Variants in PTPRG observed in about 807,000 individuals in gnomAD.
PTPRG encodes protein tyrosine phosphatase receptor type G, also known as receptor-type tyrosine-protein phosphatase gamma.
PTPRG carries 102 observed loss-of-function variants against 165.3 expected under a neutral mutation model. The observed-to-expected ratio is 0.62, with a 90% confidence interval of 0.53 to 0.73. The LOEUF is 0.73. PTPRG is among the 30% of genes least tolerant of loss of function. The pLI is 0.00. For missense variants in PTPRG, 1,866 were observed against 1,861.4 expected (o/e 1.00, Z -0.05); for synonymous variants, 675 against 669.5 (o/e 1.01, Z -0.13).
At chr3:62,269,614 C>T (rs952765006) in intron 20 of PTPRG, among the ~76,000 whole-genome samples, 1 of 152,112 alleles carries the variant, frequency 6.6e-6, no homozygotes, top group African/African-American at 2.4e-5. Context: ...TAATATATAT[C>T]CCCCCAGCAT....
intron 2 of PTPRG, among the ~76,000 whole-genome samples, chr3:61,891,445 C>G (rs897218106): frequency 3.9e-4 from 60 of 152,198 alleles, no homozygotes; most frequent in African/African-American, 1.3e-3. Flanking sequence ...TGGAGATTTT[C>G]TATGTGTAAA....
At chr3:62,075,991 G>C (rs906907801) in intron 4 of PTPRG, among the ~76,000 whole-genome samples, 4 of 152,128 alleles carry the variant, frequency 2.6e-5, no homozygotes, top group Non-Finnish European at 5.9e-5. Flanking sequence ...TGATGATGAT[G>C]ATGACCAGGC....
At chr3:62,132,512 A>C in intron 5 of PTPRG, 90 bp from the exon 6 acceptor site, 2 of 1,036,098 alleles carry the variant, frequency 1.9e-6, no homozygotes, top group Non-Finnish European at 3.1e-6. Context: ...ATAACATTCT[A>C]TTCTCCCCCT....
At chr3:61,726,456 T>C (rs1226464246) in intron 1 of PTPRG, among the ~76,000 whole-genome samples, 1 of 152,176 alleles carries the variant, frequency 6.6e-6, no homozygotes, top group Non-Finnish European at 1.5e-5. Flanking sequence ...TGATAATTTG[T>C]ATAATGGAAA....
At chr3:61,974,560 AAAT>A (rs79647353) in intron 2 of PTPRG, among the ~76,000 whole-genome samples, 4 of 122,170 alleles carry the variant, frequency 3.3e-5, no homozygotes, top group South Asian at 4.8e-4. Flanking sequence ...CTTAAAAAAA[AAAT>A]TTTTTTTTAA....
chr3:62,239,349 CTTTTTTCTTTCTTTTTTTTT>C (rs2106941415), intron 14 of PTPRG, among the ~76,000 whole-genome samples: 1 of 144,104 alleles, frequency 6.9e-6, no homozygotes, highest in South Asian at 2.2e-4. Context: ...TTCTTTCTTT[CTTTTTTCTTTCTTTTTTTTT>C]TTTTTTTTTT....
At chr3:62,074,895 A>C (rs1383100587) in intron 4 of PTPRG, among the ~76,000 whole-genome samples, 2 of 152,172 alleles carry the variant, frequency 1.3e-5, no homozygotes, top group Admixed American at 1.3e-4. Flanking sequence ...GCCTCTGTCC[A>C]AACTTGGACA....
chr3:62,155,135 T>C (rs1704487669), intron 6 of PTPRG, among the ~76,000 whole-genome samples: 1 of 152,224 alleles, frequency 6.6e-6, no homozygotes, highest in African/African-American at 2.4e-5. Flanking sequence ...AGAAATTGTT[T>C]TTGTAATTTT....
rs574197738 is a variant in PTPRG, at chr3:62,186,863, G to C, written c.1034-4606G>C. On this transcript the variant is annotated intron_variant, in intron 8 of 29. Coordinates refer to ENST00000474889, the MANE Select transcript of PTPRG (RefSeq NM_002841.4). ...ATTACAGGCGTGAGCCACCACGCCT[G>C]TCCTTGAAGCCGGATCTTTAAGGGG... 1.2e-4 allele frequency among the ~76,000 whole-genome samples: 19 copies of C among 152,250 alleles called. No individual in the cohort carries two copies. The South Asian group carries it at 3.7e-3, about 30-fold the overall frequency.
At chr3:62,177,312 A>C (rs1705463784) in intron 8 of PTPRG, among the ~76,000 whole-genome samples, 2 of 152,096 alleles carry the variant, frequency 1.3e-5, no homozygotes, top group Admixed American at 6.5e-5. Flanking sequence ...TAAAATAGAG[A>C]TAATAATCAT....
At chr3:61,766,642 A>G (rs2106997735) in intron 2 of PTPRG, among the ~76,000 whole-genome samples, 1 of 151,278 alleles carries the variant, frequency 6.6e-6, no homozygotes, top group East Asian at 2.0e-4. Flanking sequence ...CGTTTAAGAC[A>G]GTCTCACCCT....
chr3:61,809,821 G>A (rs1372662762), intron 2 of PTPRG, among the ~76,000 whole-genome samples: 6 of 152,130 alleles, frequency 3.9e-5, no homozygotes, highest in Admixed American at 6.6e-5. Flanking sequence ...TGAGAGCCAC[G>A]GAAGCTTTTT....
At chr3:62,064,250 T>G (rs7642181) in intron 4 of PTPRG, among the ~76,000 whole-genome samples, 1 of 152,144 alleles carries the variant, frequency 6.6e-6, no homozygotes, top group African/African-American at 2.4e-5. Flanking sequence ...TACTGTTAGT[T>G]TGTGCTGTTT....
chr3:61,638,618 T>TTTG (rs1553643112), intron 1 of PTPRG, among the ~76,000 whole-genome samples: 6 of 116,314 alleles, frequency 5.2e-5, no homozygotes, highest in African/African-American at 1.7e-4. Context: ...TTTTTTTTTT[T>TTTG]GGGGTAGAGG....
intron 1 of PTPRG, among the ~76,000 whole-genome samples, chr3:61,742,275 T>G (rs1175582000): frequency 6.6e-6 from 1 of 152,166 alleles, no homozygotes; most frequent in African/African-American, 2.4e-5. Context: ...ACATTTATTC[T>G]TATAAACTAT....
intron 4 of PTPRG, among the ~76,000 whole-genome samples, chr3:62,056,708 C>G (rs1287498335): frequency 6.6e-6 from 1 of 152,172 alleles, no homozygotes; most frequent in Non-Finnish European, 1.5e-5. Flanking sequence ...TACCAAATGT[C>G]CCCTGGGGTA....
chr3:61,866,214 CA>C (rs2037404247), intron 2 of PTPRG, among the ~76,000 whole-genome samples: 1 of 152,200 alleles, frequency 6.6e-6, no homozygotes, highest in Admixed American at 6.5e-5. Flanking sequence ...ACTACTTGCA[CA>C]GGTATAATTT....
At chr3:61,712,941 G>A (rs11709166) in intron 1 of PTPRG, among the ~76,000 whole-genome samples, 18,897 of 152,136 alleles carry the variant, frequency 0.12, 1,514 homozygotes, top group East Asian at 0.22. Context: ...AAGAGAATGA[G>A]CTCTCTTGAT....
chr3:61,764,234 G>C (rs562420606), intron 2 of PTPRG, among the ~76,000 whole-genome samples: 2 of 152,188 alleles, frequency 1.3e-5, no homozygotes, highest in Non-Finnish European at 2.9e-5. Context: ...TATTTTCTGA[G>C]CCTTGTTTTT....
Sources: gnomAD v4.1 joint callset for allele counts (sites outside exome capture counted in the v4.1 genomes callset) on GRCh38, gnomAD v4.1.1 for gene constraint, MANE v1.5 for transcripts, NCBI Gene and HGNC (gene_info 2026-07-23, HGNC 2026-07-21) for gene names.